Variants in TMEM259 observed in about 807,000 individuals in gnomAD.
The protein encoded by TMEM259 is transmembrane protein 259.
A neutral mutation model predicts 46.7 loss-of-function variants in TMEM259; 26 were observed. The observed-to-expected ratio is 0.56, with a 90% CI of 0.41 to 0.77. The LOEUF (loss-of-function observed/expected upper bound fraction) is 0.77, where lower values mean the gene tolerates loss of function less well. Ranked by LOEUF, TMEM259 falls within the 30% of genes least tolerant of loss-of-function variation. TMEM259 has a pLI of 0.00. For synonymous variants in TMEM259, 494 were observed against 395.1 expected (o/e 1.25, Z -2.97); for missense variants, 930 against 900.5 (o/e 1.03, Z -0.42).
At position 1,010,064 on chromosome 19, in the gene TMEM259, C is replaced by A. The variant is rs1352004575; in HGVS notation, c.*286G>T. ...ATGGGACCCCACTCCATCCTCAGGACGGTTCACTGCAGACCTACCAAGACC... is the reference window on the plus strand; with the variant it reads ...ATGGGACCCCACTCCATCCTCAGGAAGGTTCACTGCAGACCTACCAAGACC... On this transcript the variant is annotated 3_prime_UTR_variant, in exon 11 of 11. Coordinates refer to ENST00000356663, the MANE Select transcript of TMEM259 (RefSeq NM_001033026.2). The A allele has an allele frequency of 4.7e-6, 2 of 426,820 alleles. No individual in the cohort carries two copies. The highest frequency in any genetic ancestry group is 8.3e-6 in the Non-Finnish European group (2 of 241,362). The allele number at this position is 426,820 out of a possible 1,614,324, so 26.4% of individuals were successfully genotyped here.
intron 1 of TMEM259, chr19:1,017,180 T>C (rs1199688214): frequency 1.5e-5 from 6 of 399,092 alleles, no homozygotes; most frequent in Non-Finnish European, 2.2e-5. Flanking sequence ...CTGTCTGTCA[T>C]CAGCCACCCT....
At position 1,020,031 on chromosome 19, in the gene TMEM259, T is replaced by A. The variant is rs891684819; in HGVS notation, c.225+741A>T. Among the ~76,000 whole-genome samples the A allele has an allele frequency of 1.3e-5, 2 of 151,428 alleles. No individual in the cohort carries two copies. Among genetic ancestry groups the A allele is most frequent in the Non-Finnish European group, 2.9e-5 (2 of 67,824 alleles). On this transcript the variant is annotated intron_variant, in intron 1 of 10. Coordinates refer to ENST00000356663, the MANE Select transcript of TMEM259 (RefSeq NM_001033026.2). The surrounding 1 kb of genome is among the most constrained non-coding windows in gnomAD (Gnocchi z 4.0). ...AGCCCAAGACGCGGAGGCCGGTGCCTCATAGGGGAGGCACGGGCGACAGAC... is the reference window on the plus strand; with the variant it reads ...AGCCCAAGACGCGGAGGCCGGTGCCACATAGGGGAGGCACGGGCGACAGAC...
At position 1,020,110 on chromosome 19, in the gene TMEM259, G is replaced by C. The variant is rs564538301; in HGVS notation, c.225+662C>G. On this transcript the variant is annotated intron_variant, in intron 1 of 10. Coordinates refer to ENST00000356663, the MANE Select transcript of TMEM259 (RefSeq NM_001033026.2). The surrounding 1 kb of genome is among the most constrained non-coding windows in gnomAD (Gnocchi z 4.0). ...GGAGTGGGGACCCAGCGGAGGAAGAGGCCGGGGATGGGGTGGTACGCTGCT... is the reference window on the plus strand; with the variant it reads ...GGAGTGGGGACCCAGCGGAGGAAGACGCCGGGGATGGGGTGGTACGCTGCT... 2.0e-5 allele frequency among the ~76,000 whole-genome samples: 3 copies of C among 152,282 alleles called. No homozygotes were observed. The highest frequency in any genetic ancestry group is 7.2e-5 in the African/African-American group (3 of 41,564).
At chr19:1,019,131 C>A (rs1291480617) in intron 1 of TMEM259, among the ~76,000 whole-genome samples, 2 of 152,218 alleles carry the variant, frequency 1.3e-5, no homozygotes, top group Non-Finnish European at 2.9e-5. Context: ...CTGGCCCAGC[C>A]CCATCTGACC....
rs1473885763 is a variant in TMEM259, at chr19:1,010,559, A to C, written c.1654T>G (p.Ser552Ala). The change falls in exon 11 of 11, where the codon TCC (serine) becomes GCC (alanine). Residue 552 changes from serine to alanine, a missense_variant. Ser to Ala is a moderately conservative substitution (Grantham distance 99, BLOSUM62 1). Coordinates refer to ENST00000356663, the MANE Select transcript of TMEM259 (RefSeq NM_001033026.2). ...GAGGCGCTCAGGCCGGACAGGAAGGAGGCGTCTGTGATGATGGCAGCGGTC... is the reference window on the plus strand; with the variant it reads ...GAGGCGCTCAGGCCGGACAGGAAGGCGGCGTCTGTGATGATGGCAGCGGTC... The part of the protein sequence containing the change: ...AETAAIITDA[S>A]FLSGLSASLL... 3.9e-6 allele frequency: 6 copies of C among 1,549,200 alleles called. No individual in the cohort carries two copies. Among genetic ancestry groups the C allele is most frequent in the Non-Finnish European group, 5.2e-6 (6 of 1,147,520 alleles).
At position 1,011,881 on chromosome 19, in the gene TMEM259, G is replaced by A. The variant is rs748007995; in HGVS notation, c.942+11C>T. The A allele has an allele frequency of 1.3e-5, 19 of 1,431,628 alleles. No homozygotes were observed. Among genetic ancestry groups the A allele is most frequent in the East Asian group, 1.1e-4 (4 of 36,580 alleles). 88.7% of individuals were successfully genotyped at this position (1,431,628 alleles called of 1,614,324 possible). ...CCCGGCCAGCCCCCGCACCCGCCCC[G>A]AGGCACTCACGAAGATGACCATGAT... On this transcript the variant is annotated intron_variant, in intron 6 of 10. Transcript: ENST00000356663.
chr19:1,017,528 C>T (rs2145606459), intron 1 of TMEM259: 1 of 398,352 alleles, frequency 2.5e-6, no homozygotes, highest in East Asian at 3.6e-5. Context: ...GGAGTCACCC[C>T]ACCCCTATGA....
At position 1,012,192 on chromosome 19, in the gene TMEM259, C is replaced by T. The variant is rs201158183; in HGVS notation, c.719-4G>A. The T allele has an allele frequency of 7.5e-4, 1,204 of 1,596,110 alleles. 2 individuals carry two copies. The highest frequency in any genetic ancestry group is 2.5e-3 in the Admixed American group (142 of 57,838). On this transcript the variant is annotated splice_polypyrimidine_tract_variant and splice_region_variant and intron_variant, in intron 4 of 10. Transcript: ENST00000356663. Reference sequence around the variant, plus strand: ...AAGCACTGGTCCCGCGTGGGGTCTGCGGGTGGGTGAATCAGGGAGCCGGGA... The same window carrying T: ...AAGCACTGGTCCCGCGTGGGGTCTGTGGGTGGGTGAATCAGGGAGCCGGGA...
intron 1 of TMEM259, among the ~76,000 whole-genome samples, chr19:1,016,927 T>G (rs117859518): frequency 9.9e-5 from 15 of 152,252 alleles, no homozygotes; most frequent in Non-Finnish European, 1.9e-4. Flanking sequence ...GTCAAAGACT[T>G]CAAGTCCACC....
At position 1,012,205 on chromosome 19, in the gene TMEM259, C is replaced by A; in HGVS notation, c.719-17G>T. On this transcript the variant is annotated splice_polypyrimidine_tract_variant and intron_variant, in intron 4 of 10. Coordinates refer to ENST00000356663, the MANE Select transcript of TMEM259 (RefSeq NM_001033026.2). ...GCGTGGGGTCTGCGGGTGGGTGAAT[C>A]AGGGAGCCGGGAGCCCCGCCCAGGC... 2 of 1,589,078 alleles carry A rather than the reference C, an allele frequency of 1.3e-6. No individual in the cohort carries two copies. The highest frequency in any genetic ancestry group is 1.7e-6 in the Non-Finnish European group (2 of 1,169,004).
Position 1,010,587 on chromosome 19 carries a change from T to C in TMEM259, c.1626A>G (p.Ala542=). 1 of 1,551,512 alleles carries C rather than the reference T, an allele frequency of 6.4e-7. No individual in the cohort carries two copies. ...AAAGGDLGWM[A]ETAAIITDAS... Reference sequence around the variant, plus strand: ...CGTCTGTGATGATGGCAGCGGTCTCTGCCATCCAACCCAGGTCACCACCGG... The same window carrying C: ...CGTCTGTGATGATGGCAGCGGTCTCCGCCATCCAACCCAGGTCACCACCGG... The change falls in exon 11 of 11, where the codon GCA becomes GCG. Residue 542 remains alanine (A), a synonymous_variant. Transcript: ENST00000356663.
rs144272400 is a variant in TMEM259, at chr19:1,020,231, G to A, written c.225+541C>T. ...GGGGAACGCAGCTGAAAGGCTACAA[G>A]GAGGGAGAGAGGGGAGTGGGGAGTC... On this transcript the variant is annotated intron_variant, in intron 1 of 10. Transcript: ENST00000356663. This position sits in a 1 kb window ranked among gnomAD's most constrained non-coding sequence, Gnocchi z 4.0. Among the ~76,000 whole-genome samples the A allele has an allele frequency of 2.0e-5, 3 of 148,620 alleles. No individual in the cohort carries two copies. The highest frequency in any genetic ancestry group is 4.5e-5 in the Non-Finnish European group (3 of 66,896).
At chr19:1,017,169 CCTGT>C (rs2039137765) in intron 1 of TMEM259, 1 of 399,150 alleles carries the variant, frequency 2.5e-6, no homozygotes, top group African/African-American at 2.1e-5. Flanking sequence ...CTCCCCAAGA[CCTGT>C]CTGTCATCAG....
At position 1,011,997 on chromosome 19, in the gene TMEM259, A is replaced by C; in HGVS notation, c.842-5T>G. 6.2e-7 allele frequency: 1 copy of C among 1,611,786 alleles called. No homozygotes were observed. Among genetic ancestry groups the C allele is most frequent in the Non-Finnish European group, 8.5e-7 (1 of 1,179,446 alleles). On this transcript the variant is annotated splice_region_variant and splice_polypyrimidine_tract_variant and intron_variant, in intron 5 of 10. Coordinates refer to ENST00000356663, the MANE Select transcript of TMEM259 (RefSeq NM_001033026.2). ...ACACCACATTCCGCAGGAAGCCTGC[A>C]GCAGAAGGAGCCGTGAGCGCCCGCC...
At position 1,014,252 on chromosome 19, in the gene TMEM259, G is replaced by C. The variant is rs2039033383; in HGVS notation, c.447C>G (p.Asp149Glu). The stretch of plus-strand genomic sequence containing the variant: ...GCTCTTCCTCCTCCTCATCTTCCAT[G>C]TCCAGGTTGCTGCCTGGTTCCACGG... ...GLAVEPGSNL[D>E]MEDEEEEELT... The change falls in exon 2 of 11, where the codon GAC becomes GAG. Residue 149 changes from aspartate (D) to glutamate (E), a missense_variant. Coordinates refer to ENST00000356663, the MANE Select transcript of TMEM259 (RefSeq NM_001033026.2). 2 of 1,613,060 alleles carry C rather than the reference G, an allele frequency of 1.2e-6. No homozygotes were observed. The highest frequency in any genetic ancestry group is 2.7e-5 in the African/African-American group (2 of 74,940).
At position 1,010,281 on chromosome 19, in the gene TMEM259, C is replaced by T; in HGVS notation, c.*69G>A. 1 of 1,344,516 alleles carries T rather than the reference C, an allele frequency of 7.4e-7. No homozygotes were observed. The highest frequency in any genetic ancestry group is 2.8e-5 in the East Asian group (1 of 35,210). The allele number at this position is 1,344,516 out of a possible 1,614,324, so 83.3% of individuals were successfully genotyped here. ...CCAGAGGAAGGAGGTGGCTGGCCTC[C>T]CCCACCCCCACGGGCTCGGGAAGGT... On this transcript the variant is annotated 3_prime_UTR_variant, in exon 11 of 11. Coordinates refer to ENST00000356663, the MANE Select transcript of TMEM259 (RefSeq NM_001033026.2).
intron 2 of TMEM259, among the ~76,000 whole-genome samples, chr19:1,013,983 G>A (rs2039023592): frequency 6.6e-6 from 1 of 152,176 alleles, no homozygotes; most frequent in Admixed American, 6.5e-5. Context: ...GCCCTGCCCA[G>A]GCCTCTAGCA....
chr19:1,015,693 A>G (rs1052358703), intron 1 of TMEM259, among the ~76,000 whole-genome samples: 8 of 152,158 alleles, frequency 5.3e-5, no homozygotes, highest in African/African-American at 1.9e-4. Flanking sequence ...TCAAAATCAC[A>G]AGCCAGAGAG....
In TMEM259 at chr19:1,010,574, T is replaced by C. The variant is rs1332980333; in HGVS notation, c.1639A>G (p.Ile547Val). ...DLGWMAETAA[I>V]ITDASFLSGL... The stretch of plus-strand genomic sequence containing the variant: ...GACAGGAAGGAGGCGTCTGTGATGA[T>C]GGCAGCGGTCTCTGCCATCCAACCC... Residue 547 changes from isoleucine to valine, a missense_variant, in exon 11 of 11, where the codon ATC becomes GTC. Ile to Val is a conservative substitution (Grantham distance 29). Transcript: ENST00000356663. 6.5e-7 allele frequency: 1 copy of C among 1,550,044 alleles called. No individual in the cohort carries two copies.
Sources: allele counts gnomAD v4.1 joint callset (sites outside exome capture counted in the v4.1 genomes callset), GRCh38; gene constraint gnomAD v4.1.1; non-coding constraint Gnocchi (gnomAD v3.1); transcripts MANE v1.5; gene names NCBI Gene and HGNC (gene_info 2026-07-23, HGNC 2026-07-21).